The following INPP4B variants were observed in gnomAD, a reference collection of about 807,000 sequenced individuals.
The protein encoded by INPP4B is inositol polyphosphate-4-phosphatase type II B.
A neutral mutation model predicts 122.5 loss-of-function variants in INPP4B; 55 were observed. The observed-to-expected ratio is 0.45, with a 90% CI of 0.36 to 0.56. INPP4B has a LOEUF of 0.56. Ranked by LOEUF, INPP4B falls within the 20% of genes least tolerant of loss-of-function variation. INPP4B has a pLI of 0.00. For missense variants in INPP4B, 1,000 were observed against 1,097.7 expected (o/e 0.91, Z 1.26); for synonymous variants, 403 against 388.7 (o/e 1.04, Z -0.43).
intron 2 of INPP4B, among the ~76,000 whole-genome samples, chr4:142,524,247 G>A (rs957262966): frequency 6.6e-6 from 1 of 152,134 alleles, no homozygotes; most frequent in Non-Finnish European, 1.5e-5. Context: ...CTTCCACAAT[G>A]GTTGAACTAG....
chr4:142,343,069 A>G (rs1285305843), intron 7 of INPP4B, among the ~76,000 whole-genome samples: 1 of 152,130 alleles, frequency 6.6e-6, no homozygotes, highest in African/African-American at 2.4e-5. Context: ...ACAAATCAAC[A>G]TCATTAAGAG....
chr4:142,576,028 T>G (rs1733754517), intron 2 of INPP4B, among the ~76,000 whole-genome samples: 1 of 152,038 alleles, frequency 6.6e-6, no homozygotes, highest in Non-Finnish European at 1.5e-5. Context: ...TCAAATGTGT[T>G]TTAACTAGCC....
chr4:142,700,549 T>C (rs1761607067), intron 2 of INPP4B, among the ~76,000 whole-genome samples: 2 of 152,228 alleles, frequency 1.3e-5, no homozygotes, highest in African/African-American at 4.8e-5. Flanking sequence ...CTGTTCTAAA[T>C]TCTATTAACC....
At chr4:142,553,931 C>T (rs2150087742) in intron 2 of INPP4B, among the ~76,000 whole-genome samples, 1 of 152,296 alleles carries the variant, frequency 6.6e-6, no homozygotes, top group South Asian at 2.1e-4. Context: ...TGGCTCACAC[C>T]TGTAATCCCA....
intron 1 of INPP4B, among the ~76,000 whole-genome samples, chr4:142,806,753 AGAAGAAG>A (rs1778785372): frequency 1.4e-5 from 2 of 139,282 alleles, no homozygotes; most frequent in African/African-American, 5.7e-5. Flanking sequence ...AAAAAAAAGA[AGAAGAAG>A]AAAGAAGAAA....
intron 2 of INPP4B, among the ~76,000 whole-genome samples, chr4:142,491,811 G>A (rs1332869868): frequency 6.6e-6 from 1 of 152,212 alleles, no homozygotes; most frequent in African/African-American, 2.4e-5. Context: ...ACATTAGGAT[G>A]GCTATTGCCA....
At position 142,398,033 on chromosome 4, in the gene INPP4B, T is replaced by TA. The variant is rs533056845; in HGVS notation, c.372+4904dup. On this transcript the variant is annotated intron_variant, in intron 7 of 25. Coordinates refer to ENST00000262992, the MANE Select transcript of INPP4B (RefSeq NM_001101669.3). ...CTTAGAATACCAATTTTTTCATCTT[T>TA]AAAATGGGCATTATACTTTCCTCAA... 3.0e-3 allele frequency among the ~76,000 whole-genome samples: 448 copies of TA among 151,812 alleles called. 2 individuals carry two copies. Among genetic ancestry groups the TA allele is most frequent in the African/African-American group, 0.01 (415 of 41,398 alleles).
At chr4:142,524,391 A>G (rs1198685202) in intron 2 of INPP4B, among the ~76,000 whole-genome samples, 1 of 151,774 alleles carries the variant, frequency 6.6e-6, no homozygotes, top group African/African-American at 2.4e-5. Flanking sequence ...TTTGATTTGC[A>G]TTTCTCTGAT....
At chr4:142,649,348 A>G (rs1415620863) in intron 2 of INPP4B, among the ~76,000 whole-genome samples, 2 of 152,244 alleles carry the variant, frequency 1.3e-5, no homozygotes, top group Admixed American at 6.5e-5. Flanking sequence ...CCAGCAATGG[A>G]ACAAAGCTGG....
Position 142,683,002 on chromosome 4 carries a change from T to C in INPP4B, c.-191+42837A>G, listed in dbSNP as rs922326685. Reference sequence around the variant, plus strand: ...GGACAGTCTCAAAAAGATGTGTCTCTTAGTATTTGAGATAGATGATTTCCT... The same window carrying C: ...GGACAGTCTCAAAAAGATGTGTCTCCTAGTATTTGAGATAGATGATTTCCT... On this transcript the variant is annotated intron_variant, in intron 2 of 25. Transcript: ENST00000262992. 5.9e-5 allele frequency among the ~76,000 whole-genome samples: 9 copies of C among 151,898 alleles called. No individual in the cohort carries two copies. In the East Asian group the frequency reaches 1.7e-3, roughly 29 times the overall value.
chr4:142,480,072 A>C (rs1820324607), intron 2 of INPP4B, among the ~76,000 whole-genome samples: 1 of 152,166 alleles, frequency 6.6e-6, no homozygotes, highest in South Asian at 2.1e-4. Flanking sequence ...CCAGATAGTC[A>C]TTTTTTTCTG....
Position 142,509,363 on chromosome 4 carries a change from A to G in INPP4B, c.-190-46637T>C, listed in dbSNP as rs137914838. Among the ~76,000 whole-genome samples the G allele has an allele frequency of 3.3e-5, 5 of 152,152 alleles. No homozygotes were observed. The East Asian group carries it at 9.7e-4, about 29-fold the overall frequency. ...CATCTACATAGGTATTTCTCCTAAT[A>G]CTATCCCTCCCCTTGCCCCCCATCC... is the stretch of plus-strand genomic sequence containing the variant. On this transcript the variant is annotated intron_variant, in intron 2 of 25. Coordinates refer to ENST00000262992, the MANE Select transcript of INPP4B (RefSeq NM_001101669.3).
chr4:142,631,341 G>A (rs1220187934), intron 2 of INPP4B, among the ~76,000 whole-genome samples: 1 of 152,070 alleles, frequency 6.6e-6, no homozygotes, highest in East Asian at 1.9e-4. Context: ...AGCAACAGTT[G>A]CAGAACTATT....
intron 7 of INPP4B, among the ~76,000 whole-genome samples, chr4:142,390,244 A>C (rs939424632): frequency 6.6e-6 from 1 of 152,216 alleles, no homozygotes; most frequent in African/African-American, 2.4e-5. Context: ...TCTCTTGAAC[A>C]AGATTTTCAT....
At chr4:142,195,464 A>C (rs1191661376) in intron 14 of INPP4B, among the ~76,000 whole-genome samples, 1 of 152,206 alleles carries the variant, frequency 6.6e-6, no homozygotes, top group African/African-American at 2.4e-5. Context: ...AACCAAAAAA[A>C]GGCCACAAAA....
At chr4:142,794,533 A>C (rs1017165087) in intron 1 of INPP4B, among the ~76,000 whole-genome samples, 47 of 152,138 alleles carry the variant, frequency 3.1e-4, no homozygotes, top group African/African-American at 7.2e-4. Flanking sequence ...ATTTTAAAAA[A>C]ACAAGAGAAC....
At chr4:142,581,025 T>A (rs1019392574) in intron 2 of INPP4B, among the ~76,000 whole-genome samples, 1 of 152,048 alleles carries the variant, frequency 6.6e-6, no homozygotes, top group African/African-American at 2.4e-5. Context: ...CTTTGTGAGA[T>A]TTCTGGAAGA....
chr4:142,301,704 T>G (rs1028139318), intron 9 of INPP4B, among the ~76,000 whole-genome samples: 2 of 152,138 alleles, frequency 1.3e-5, no homozygotes, highest in African/African-American at 4.8e-5. Context: ...TATAAAAAAT[T>G]CTTAGTAAAT....
chr4:142,590,104 A>G (rs950413850), intron 2 of INPP4B, among the ~76,000 whole-genome samples: 5 of 152,136 alleles, frequency 3.3e-5, no homozygotes, highest in African/African-American at 1.2e-4. Flanking sequence ...GGAACTGATG[A>G]GACAAGCAGG....
Sources: allele counts gnomAD v4.1 joint callset (sites outside exome capture counted in the v4.1 genomes callset), GRCh38; gene constraint gnomAD v4.1.1; transcripts MANE v1.5; gene names NCBI Gene and HGNC (gene_info 2026-07-23, HGNC 2026-07-21).